Variants in SNIP1 observed in about 807,000 individuals in gnomAD.
SNIP1 encodes the protein smad nuclear-interacting protein 1.
SNIP1 carries 23 observed loss-of-function variants against 37.4 expected under a neutral mutation model. The ratio of observed to expected loss-of-function variants is 0.61; its 90% CI spans 0.44 to 0.87. The LOEUF (loss-of-function observed/expected upper bound fraction) is 0.87, where lower values mean the gene tolerates loss of function less well. SNIP1 is among the 40% of genes least tolerant of loss of function. The pLI is 0.00. For synonymous variants in SNIP1, 174 were observed against 200.0 expected (o/e 0.87, Z 1.10); for missense variants, 459 against 540.4 (o/e 0.85, Z 1.49).
intron 2 of SNIP1, among the ~76,000 whole-genome samples, chr1:37,547,236 TAGAG>T (rs1042862813): frequency 2.6e-5 from 4 of 152,056 alleles, no homozygotes; most frequent in African/African-American, 9.7e-5. Flanking sequence ...AGAGAAGAGA[TAGAG>T]AGATTCATGG....
At chr1:37,538,562 T>A (rs1477430427) in intron 3 of SNIP1, among the ~76,000 whole-genome samples, 2 of 140,760 alleles carry the variant, frequency 1.4e-5, no homozygotes, top group African/African-American at 2.6e-5. Flanking sequence ...GTGGGGAGAA[T>A]CCATGGTAGA....
intron 2 of SNIP1, chr1:37,541,142 T>C (rs1373343375): frequency 6.1e-6 from 1 of 163,470 alleles, no homozygotes; most frequent in Non-Finnish European, 1.3e-5. Context: ...GTACAAGATA[T>C]GTAAAGAAAG....
chr1:37,551,892 C>T (rs1414949311), intron 2 of SNIP1, among the ~76,000 whole-genome samples: 1 of 152,148 alleles, frequency 6.6e-6, no homozygotes, highest in Non-Finnish European at 1.5e-5. Flanking sequence ...AGCATTTATC[C>T]CAGAGAAATG....
chr1:37,538,248 C>T (rs1339884357), intron 3 of SNIP1, among the ~76,000 whole-genome samples: 1 of 152,078 alleles, frequency 6.6e-6, no homozygotes, highest in Non-Finnish European at 1.5e-5. Flanking sequence ...GTGGCTCACG[C>T]CTGTAATCCC....
Position 37,537,594 on chromosome 1 carries a change from A to G in SNIP1, c.*154T>C. ...CATTAGTCAGTGTATTCAAATGGTA[A>G]CACAATCTGGTCAGCAACAGAGGAA... On this transcript the variant is annotated 3_prime_UTR_variant, in exon 4 of 4. Coordinates refer to ENST00000296215, the MANE Select transcript of SNIP1 (RefSeq NM_024700.4). 2.5e-6 allele frequency: 2 copies of G among 814,090 alleles called. No individual in the cohort carries two copies. The highest frequency in any genetic ancestry group is 3.9e-6 in the Non-Finnish European group (2 of 516,482). 50.4% of individuals were successfully genotyped at this position (814,090 alleles called of 1,614,324 possible).
At chr1:37,551,740 C>A (rs1344508162) in intron 2 of SNIP1, among the ~76,000 whole-genome samples, 2 of 152,144 alleles carry the variant, frequency 1.3e-5, no homozygotes, top group African/African-American at 4.8e-5. Flanking sequence ...AAATGAATTT[C>A]TGTTGTTTAA....
intron 2 of SNIP1, among the ~76,000 whole-genome samples, chr1:37,551,269 C>CAA (rs56350752): frequency 0.01 from 1,125 of 108,234 alleles, 16 homozygotes; most frequent in East Asian, 0.055. Context: ...GACTCTGTCT[C>CAA]AAAAAAAAAA....
At chr1:37,547,174 G>A (rs1163072379) in intron 2 of SNIP1, among the ~76,000 whole-genome samples, 3 of 152,122 alleles carry the variant, frequency 2.0e-5, no homozygotes, top group Non-Finnish European at 4.4e-5. Flanking sequence ...ATAAATTAAG[G>A]TCATACTGAA....
Position 37,535,711 on chromosome 1 carries a change from C to T in SNIP1, c.*2037G>A, listed in dbSNP as rs565972432. ...CAAGAGAAAAGTTCATCCAAACAAA[C>T]CTACTTTTCAGACAAGCACATATAT... is the stretch of plus-strand genomic sequence containing the variant. On this transcript the variant is annotated 3_prime_UTR_variant, in exon 4 of 4. Transcript: ENST00000296215. 6.6e-6 allele frequency: 1 copy of T among 152,124 alleles called. No homozygotes were observed. Among genetic ancestry groups the T allele is most frequent in the Non-Finnish European group, 1.5e-5 (1 of 68,036 alleles). The allele number at this position is 152,124 out of a possible 1,614,324, so 9.4% of individuals were successfully genotyped here.
intron 2 of SNIP1, among the ~76,000 whole-genome samples, chr1:37,550,049 A>AAAAACAAAACAAAAC (rs377334557): frequency 6.6e-6 from 1 of 152,010 alleles, no homozygotes; most frequent in Non-Finnish European, 1.5e-5. Flanking sequence ...CAAAAAAAAC[A>AAAAACAAAACAAAAC]AAAACAAAAC....
chr1:37,538,230 C>T (rs568447308), intron 3 of SNIP1, among the ~76,000 whole-genome samples: 1 of 152,102 alleles, frequency 6.6e-6, no homozygotes, highest in East Asian at 1.9e-4. Flanking sequence ...GAGAATGGAC[C>T]GGGCGCGGTG....
chr1:37,537,803 A>G lies in SNIP1; in HGVS notation c.1136T>C (p.Ile379Thr), dbSNP rs1643117374. Residue 379 changes from isoleucine to threonine, a missense_variant, in exon 4 of 4, where the codon ATA (isoleucine) becomes ACA (threonine). Transcript: ENST00000296215. Reference sequence around the variant, plus strand: ...CTCATCCTCGTCATCTTTCCTGTCTATTTCAGAAGTGTCCGACGACTCATG... The same window carrying G: ...CTCATCCTCGTCATCTTTCCTGTCTGTTTCAGAAGTGTCCGACGACTCATG... Reference protein sequence around the residue: ...LLHESSDTSEIDRKDDEDEEE... With the variant: ...LLHESSDTSETDRKDDEDEEE... The G allele has an allele frequency of 3.1e-6, 5 of 1,614,028 alleles. No individual in the cohort carries two copies. Among genetic ancestry groups the G allele is most frequent in the Non-Finnish European group, 4.2e-6 (5 of 1,180,034 alleles).
rs1553165370 is a variant in SNIP1, at chr1:37,535,230, T to TTTATATATA, written c.*2517_*2518insTATATATAA. On this transcript the variant is annotated 3_prime_UTR_variant, in exon 4 of 4. Coordinates refer to ENST00000296215, the MANE Select transcript of SNIP1 (RefSeq NM_024700.4). Reference sequence around the variant, plus strand: ...ACTAAAAAAAAATAAAAAATAAAAATTATATATATAAATTAGCCAGGCTTG... The same window carrying TTTATATATA: ...ACTAAAAAAAAATAAAAAATAAAAATTTATATATATATATATATAAATTAGCCAGGCTTG... 27 of 17,304 alleles carry TTTATATATA rather than the reference T, an allele frequency of 1.6e-3. No homozygotes were observed. Among genetic ancestry groups the TTTATATATA allele is most frequent in the African/African-American group, 3.2e-3 (26 of 8,012 alleles). The allele number at this position is 17,304 out of a possible 1,614,324, so 1.1% of individuals were successfully genotyped here.
intron 2 of SNIP1, among the ~76,000 whole-genome samples, chr1:37,545,479 A>G (rs528507503): frequency 6.6e-6 from 1 of 151,946 alleles, no homozygotes; most frequent in South Asian, 2.1e-4. Flanking sequence ...CCAAAAAAAA[A>G]AAAAAAACAA....
intron 3 of SNIP1, among the ~76,000 whole-genome samples, chr1:37,539,538 C>T (rs1023836811): frequency 1.3e-5 from 2 of 152,134 alleles, no homozygotes; most frequent in Admixed American, 6.6e-5. Context: ...AATGAAACCC[C>T]GTCTCTACTA....
chr1:37,546,144 GACCCC>G (rs1477501277), intron 2 of SNIP1, among the ~76,000 whole-genome samples: 16 of 32,568 alleles, frequency 4.9e-4, no homozygotes, highest in African/African-American at 1.3e-3. Flanking sequence ...CTGGGACTAA[GACCCC>G]CCCCCCCCCC....
At chr1:37,551,419 A>G (rs572915329) in intron 2 of SNIP1, among the ~76,000 whole-genome samples, 77 of 152,334 alleles carry the variant, frequency 5.1e-4, no homozygotes, top group African/African-American at 1.6e-3. Context: ...TGGGAATATA[A>G]AATGATACAG....
chr1:37,539,839 TACTC>T (rs1305681562), intron 3 of SNIP1, among the ~76,000 whole-genome samples: 2 of 152,146 alleles, frequency 1.3e-5, no homozygotes, highest in Non-Finnish European at 2.9e-5. Context: ...TGGTCCCAGT[TACTC>T]AGGAGGCCGA....
In SNIP1 at chr1:37,540,524, G is replaced by A. The variant is rs186332019; in HGVS notation, c.559C>T (p.Arg187Trp). ...ACGTCATTCCTCTGGCGATGCTCCC[G>A]TCGCCTGGCATTATAAAACTCCCGC... is the stretch of plus-strand genomic sequence containing the variant. ...EEREFYNARR[R>W]EHRQRNDVGG... is the part of the protein sequence containing the mutation. The change falls in exon 3 of 4, where the codon CGG (arginine) becomes TGG (tryptophan). Residue 187 changes from arginine (R) to tryptophan (W), a missense_variant. Coordinates refer to ENST00000296215, the MANE Select transcript of SNIP1 (RefSeq NM_024700.4). The surrounding 1 kb of genome is among the most constrained non-coding windows in gnomAD (Gnocchi z 5.6). 1.2e-4 allele frequency: 188 copies of A among 1,614,102 alleles called. 1 individual carries two copies. In the Admixed American group the frequency reaches 2.1e-3, roughly 18 times the overall value.
Sources: allele counts gnomAD v4.1 joint callset (sites outside exome capture counted in the v4.1 genomes callset), GRCh38; gene constraint gnomAD v4.1.1; non-coding constraint Gnocchi (gnomAD v3.1); transcripts MANE v1.5; gene names NCBI Gene and HGNC (gene_info 2026-07-23, HGNC 2026-07-21).